Variants in LRP1B observed in about 807,000 individuals in gnomAD.
The protein encoded by LRP1B is LDL receptor related protein 1B.
A neutral mutation model predicts 556.6 loss-of-function variants in LRP1B; 217 were observed. The observed-to-expected ratio is 0.39, with a 90% CI of 0.35 to 0.44. The LOEUF (loss-of-function observed/expected upper bound fraction) is 0.44. Ranked by LOEUF, LRP1B falls within the 20% of genes least tolerant of loss-of-function variation. LRP1B has a pLI of 1.00. For synonymous variants in LRP1B, 2,047 were observed against 1,865.8 expected (o/e 1.10, Z -2.50); for missense variants, 5,053 against 5,620.8 (o/e 0.90, Z 3.23).
intron 18 of LRP1B, among the ~76,000 whole-genome samples, chr2:140,970,422 G>A (rs901243402): frequency 6.6e-6 from 1 of 152,180 alleles, no homozygotes; most frequent in South Asian, 2.1e-4. Flanking sequence ...TTAGCCACTC[G>A]TCTAATCTTT....
intron 25 of LRP1B, among the ~76,000 whole-genome samples, chr2:140,875,773 A>C (rs1336422654): frequency 6.6e-6 from 1 of 152,152 alleles, no homozygotes; most frequent in Non-Finnish European, 1.5e-5. Context: ...AATGGTGTTC[A>C]GTTTTCTTTG....
At chr2:141,180,176 AC>A (rs891109048) in intron 7 of LRP1B, among the ~76,000 whole-genome samples, 1 of 151,608 alleles carries the variant, frequency 6.6e-6, no homozygotes, top group Admixed American at 6.6e-5. Context: ...AACTAGAATA[AC>A]CATATCTTCT....
chr2:141,552,812 T>C (rs1685803414), intron 2 of LRP1B, among the ~76,000 whole-genome samples: 1 of 151,954 alleles, frequency 6.6e-6, no homozygotes, highest in South Asian at 2.1e-4. Flanking sequence ...TTGGGGAGCA[T>C]CACTATTTGG....
intron 1 of LRP1B, among the ~76,000 whole-genome samples, chr2:141,954,543 C>T (rs913491534): frequency 6.6e-6 from 1 of 152,068 alleles, no homozygotes; most frequent in Non-Finnish European, 1.5e-5. Flanking sequence ...AATTATGGTA[C>T]TCATCTCAAA....
At chr2:141,776,804 G>C (rs1341071486) in intron 2 of LRP1B, among the ~76,000 whole-genome samples, 1 of 152,096 alleles carries the variant, frequency 6.6e-6, no homozygotes, top group Non-Finnish European at 1.5e-5. Flanking sequence ...TGAAATATCT[G>C]GAGAACAATA....
At chr2:141,335,889 G>A (rs1013942667) in intron 3 of LRP1B, among the ~76,000 whole-genome samples, 1 of 152,056 alleles carries the variant, frequency 6.6e-6, no homozygotes, top group Non-Finnish European at 1.5e-5. Context: ...AACAGTGTTG[G>A]CAAGGACACA....
intron 62 of LRP1B, among the ~76,000 whole-genome samples, chr2:140,454,098 A>T (rs1229951835): frequency 6.6e-6 from 1 of 152,108 alleles, no homozygotes; most frequent in African/African-American, 2.4e-5. Flanking sequence ...AGGGATAACC[A>T]CTAACAGTTT....
intron 3 of LRP1B, among the ~76,000 whole-genome samples, chr2:141,318,419 C>A (rs1441036901): frequency 4.6e-5 from 7 of 152,020 alleles, no homozygotes; most frequent in African/African-American, 1.7e-4. Context: ...CTAAAGAAGT[C>A]AAATTTAAAA....
intron 84 of LRP1B, among the ~76,000 whole-genome samples, chr2:140,278,050 C>CAT (rs1682758389): frequency 2.0e-5 from 3 of 151,658 alleles, no homozygotes; most frequent in Non-Finnish European, 4.4e-5. Flanking sequence ...CACACACACA[C>CAT]ACACACAAAA....
chr2:141,304,779 G>A (rs1445757574), intron 3 of LRP1B, among the ~76,000 whole-genome samples: 1 of 152,032 alleles, frequency 6.6e-6, no homozygotes, highest in Admixed American at 6.6e-5. Flanking sequence ...GGGATGACAG[G>A]CATGAGGCAC....
chr2:140,534,289 GT>G, intron 46 of LRP1B, 149 bp from the exon 47 acceptor site: 1 of 734,638 alleles, frequency 1.4e-6, no homozygotes, highest in Non-Finnish European at 2.1e-6. Context: ...GGATTAGAAT[GT>G]TTATGTGTTG....
chr2:140,433,424 A>T (rs537487028), intron 66 of LRP1B, among the ~76,000 whole-genome samples: 1 of 152,310 alleles, frequency 6.6e-6, no homozygotes, highest in Non-Finnish European at 1.5e-5. Context: ...TAGTTTAATT[A>T]ATTTAAAAAA....
intron 2 of LRP1B, among the ~76,000 whole-genome samples, chr2:141,520,492 T>C (rs1684489901): frequency 2.6e-5 from 4 of 152,028 alleles, no homozygotes; most frequent in Non-Finnish European, 5.9e-5. Context: ...TTCCTTTATA[T>C]TCATTCTCCA....
At chr2:141,682,345 C>CA (rs200535104) in intron 2 of LRP1B, among the ~76,000 whole-genome samples, 2,270 of 132,810 alleles carry the variant, frequency 0.017, 53 homozygotes, top group African/African-American at 0.056. Context: ...AAGTAGATGG[C>CA]AAAAAAAAAA....
chr2:141,853,695 TA>T (rs368027114), intron 1 of LRP1B, among the ~76,000 whole-genome samples: 2 of 151,714 alleles, frequency 1.3e-5, no homozygotes, highest in East Asian at 3.9e-4. Context: ...AATGAACTGA[TA>T]AAAAAAATAA....
chr2:142,077,170 G>A (rs1313532119), intron 1 of LRP1B, among the ~76,000 whole-genome samples: 3 of 152,056 alleles, frequency 2.0e-5, no homozygotes. Flanking sequence ...AAACATGAGA[G>A]TCTGCTAAAA....
chr2:141,401,237 C>T (rs1426767841), intron 3 of LRP1B, among the ~76,000 whole-genome samples: 1 of 152,080 alleles, frequency 6.6e-6, no homozygotes, highest in Non-Finnish European at 1.5e-5. Context: ...TATCTCCTTA[C>T]AATTGTTATG....
chr2:141,761,838 G>C (rs773348210), intron 2 of LRP1B, among the ~76,000 whole-genome samples: 15 of 152,140 alleles, frequency 9.9e-5, no homozygotes, highest in Admixed American at 2.0e-4. Flanking sequence ...CTAGTAGTTT[G>C]CACTGTGTAT....
chr2:142,121,057 C>T (rs114539948), intron 1 of LRP1B, among the ~76,000 whole-genome samples: 1 of 152,060 alleles, frequency 6.6e-6, no homozygotes, highest in Non-Finnish European at 1.5e-5. Flanking sequence ...TTATCTTTTG[C>T]GGCTTTATTT....
Sources: allele counts gnomAD v4.1 joint callset (sites outside exome capture counted in the v4.1 genomes callset), GRCh38; gene constraint gnomAD v4.1.1; transcripts MANE v1.5; gene names NCBI Gene and HGNC (gene_info 2026-07-23, HGNC 2026-07-21).